SLC38A8: variants seen among roughly 807,000 people sequenced by gnomAD.
SLC38A8 encodes solute carrier family 38 member 8, also known as amino acid transporter SLC38A8.
Under a neutral mutation model 46.0 loss-of-function variants are expected in SLC38A8, and 65 were observed. The observed-to-expected ratio is 1.41, with a 90% CI of 1.16 to 1.74. The LOEUF (loss-of-function observed/expected upper bound fraction) is 1.74. Ranked by LOEUF, SLC38A8 falls within the 40% of genes most tolerant of loss-of-function variation. The pLI is 0.00. For missense variants in SLC38A8, 998 were observed against 567.9 expected (o/e 1.76, Z -7.70); for synonymous variants, 447 against 243.7 (o/e 1.83, Z -7.77).
At chr16:84,035,710 T>C (rs974810053) in intron 3 of SLC38A8, among the ~76,000 whole-genome samples, 4 of 152,226 alleles carry the variant, frequency 2.6e-5, no homozygotes, top group Non-Finnish European at 5.9e-5. Flanking sequence ...CCTCTATTAA[T>C]GGTAGAGAAG....
upstream of SLC38A8, among the ~76,000 whole-genome samples, chr16:84,043,045 C>T (rs12922113): frequency 0.21 from 31,333 of 152,082 alleles, 3,449 homozygotes; most frequent in African/African-American, 0.25. Flanking sequence ...GTGCCCTGAG[C>T]CCAGCCTCCT....
chr16:84,021,009 G>A (rs755731380), intron 7 of SLC38A8, among the ~76,000 whole-genome samples: 1 of 152,174 alleles, frequency 6.6e-6, no homozygotes, highest in African/African-American at 2.4e-5. Flanking sequence ...GCAGCATCCT[G>A]AATGCTCTGC....
At chr16:84,031,829 C>G in intron 5 of SLC38A8, 38 bp downstream of exon 5, 1 of 1,583,782 alleles carries the variant, frequency 6.3e-7, no homozygotes. Context: ...GCCGTGCCTC[C>G]CCGCCGAGGC....
At chr16:84,024,541 G>T (rs994691055) in intron 6 of SLC38A8, among the ~76,000 whole-genome samples, 1 of 152,026 alleles carries the variant, frequency 6.6e-6, no homozygotes, top group East Asian at 2.0e-4. Context: ...AGCACTTTGG[G>T]AGGCCAAGGC....
intron 9 of SLC38A8, among the ~76,000 whole-genome samples, chr16:84,013,790 G>A (rs551414509): frequency 3.3e-5 from 5 of 150,306 alleles, no homozygotes; most frequent in South Asian, 4.2e-4. Context: ...TTGGCCTAAA[G>A]CTCCCAAAGG....
intron 6 of SLC38A8, among the ~76,000 whole-genome samples, chr16:84,026,783 G>T (rs971892424): frequency 6.6e-6 from 1 of 152,202 alleles, no homozygotes; most frequent in Non-Finnish European, 1.5e-5. Flanking sequence ...GGGGAGGGAA[G>T]CCTGTCTTAA....
intron 5 of SLC38A8, among the ~76,000 whole-genome samples, chr16:84,031,503 T>A (rs1166737725): frequency 1.3e-5 from 2 of 152,358 alleles, no homozygotes; most frequent in East Asian, 3.9e-4. Context: ...CCGGCTGGCT[T>A]GGCCACACCG....
In SLC38A8 at chr16:84,029,571, G is replaced by A. The variant is rs1176986042; in HGVS notation, c.633-20C>T. ...GCAGGGCTGTAAACAGACAAGAACA[G>A]GAGTTTATTAAAGAAGGGTCACACC... On this transcript the variant is annotated intron_variant, in intron 5 of 10. Coordinates refer to ENST00000299709, the MANE Select transcript of SLC38A8 (RefSeq NM_001080442.3). 3.1e-6 allele frequency: 5 copies of A among 1,613,556 alleles called. No individual in the cohort carries two copies. The highest frequency in any genetic ancestry group is 1.1e-5 in the South Asian group (1 of 90,982).
chr16:84,014,118 C>A (rs777864545), intron 9 of SLC38A8, among the ~76,000 whole-genome samples: 5 of 151,622 alleles, frequency 3.3e-5, no homozygotes, highest in Admixed American at 6.6e-5. Flanking sequence ...CCCCTCACCT[C>A]TAAAACCTCC....
chr16:84,031,729 A>G, intron 5 of SLC38A8, 138 bp downstream of exon 5: 1 of 722,400 alleles, frequency 1.4e-6, no homozygotes, highest in Admixed American at 2.5e-5. Context: ...TCACCGCATC[A>G]GAGACGGAAA....
chr16:84,033,126 T>C (rs2085264056), intron 4 of SLC38A8, among the ~76,000 whole-genome samples: 1 of 152,216 alleles, frequency 6.6e-6, no homozygotes. Context: ...AGCACTGACG[T>C]TGTTACAGGT....
intron 9 of SLC38A8, among the ~76,000 whole-genome samples, chr16:84,014,514 GC>G (rs1272294812): frequency 1.3e-5 from 2 of 151,336 alleles, no homozygotes; most frequent in African/African-American, 4.9e-5. Flanking sequence ...GCCACCCTAA[GC>G]CCAAGGGAGA....
chr16:84,013,095 C>A (rs763386898), intron 9 of SLC38A8, 43 bp from the exon 10 acceptor site: 11 of 1,612,230 alleles, frequency 6.8e-6, no homozygotes, highest in Non-Finnish European at 9.3e-6. Context: ...CGTTATCAAA[C>A]CCAAAGCAAC....
At chr16:84,016,161 A>C (rs1222420346) in intron 9 of SLC38A8, among the ~76,000 whole-genome samples, 1 of 152,212 alleles carries the variant, frequency 6.6e-6, no homozygotes, top group Non-Finnish European at 1.5e-5. Context: ...AAACCATCAG[A>C]TCTCATGAGA....
Position 84,009,753 on chromosome 16 carries a change from G to C in SLC38A8, c.*31C>G. On this transcript the variant is annotated 3_prime_UTR_variant, in exon 11 of 11. Coordinates refer to ENST00000299709, the MANE Select transcript of SLC38A8 (RefSeq NM_001080442.3). Reference sequence around the variant, plus strand: ...CAGCCACGTAGGGTCAGCCCCCGGAGGGCCCCTTCCTGCCCGGCACTAGCT... The same window carrying C: ...CAGCCACGTAGGGTCAGCCCCCGGACGGCCCCTTCCTGCCCGGCACTAGCT... The C allele has an allele frequency of 2.5e-6, 4 of 1,599,440 alleles. No homozygotes were observed. Among genetic ancestry groups the C allele is most frequent in the African/African-American group, 1.3e-5 (1 of 74,274 alleles).
At chr16:84,013,729 C>CTT (rs11352373) in intron 9 of SLC38A8, among the ~76,000 whole-genome samples, 11 of 138,724 alleles carry the variant, frequency 7.9e-5, no homozygotes, top group East Asian at 2.1e-4. Context: ...GCACCCAGCC[C>CTT]TTTTTTTTTT....
At chr16:84,028,593 G>A (rs1463553579) in intron 6 of SLC38A8, among the ~76,000 whole-genome samples, 3 of 150,864 alleles carry the variant, frequency 2.0e-5, no homozygotes, top group African/African-American at 4.9e-5. Context: ...AGAAAGAAAT[G>A]GAAGAGCAGT....
Position 84,036,605 on chromosome 16 carries a change from C to T in SLC38A8, c.388+97G>A, listed in dbSNP as rs190958701. On this transcript the variant is annotated intron_variant, in intron 3 of 10. Transcript: ENST00000299709. Reference sequence around the variant, plus strand: ...TTCAGCCTCTGCTGTCCCTCAGGGCCCAGGCCAGGGCCCCACGTCCTGCTC... The same window carrying T: ...TTCAGCCTCTGCTGTCCCTCAGGGCTCAGGCCAGGGCCCCACGTCCTGCTC... The T allele has an allele frequency of 1.4e-3, 1,985 of 1,411,334 alleles. 21 individuals are homozygous for T. In the African/African-American group the frequency reaches 0.024, roughly 17 times the overall value. 87.4% of individuals were successfully genotyped at this position (1,411,334 alleles called of 1,614,324 possible). A position where few individuals can be genotyped will look rare whatever the true frequency, so the allele number is the denominator to read the frequency against.
chr16:84,030,816 C>A (rs940863065), intron 5 of SLC38A8, among the ~76,000 whole-genome samples: 1 of 152,164 alleles, frequency 6.6e-6, no homozygotes, highest in Admixed American at 6.5e-5. Flanking sequence ...GAAGGGTACA[C>A]TGAGCATGGG....
Sources: gnomAD v4.1 joint callset for allele counts (sites outside exome capture counted in the v4.1 genomes callset) on GRCh38, gnomAD v4.1.1 for gene constraint, MANE v1.5 for transcripts, NCBI Gene and HGNC (gene_info 2026-07-23, HGNC 2026-07-21) for gene names.